The following CDYL variants were observed in gnomAD, a reference collection of about 807,000 sequenced individuals.
The protein encoded by CDYL is chromodomain Y-like protein.
CDYL carries 8 observed loss-of-function variants against 47.3 expected under a neutral mutation model. The observed-to-expected ratio is 0.17, with a 90% CI of 0.10 to 0.31. The LOEUF (loss-of-function observed/expected upper bound fraction) is 0.31, where lower values mean the gene tolerates loss of function less well. CDYL is among the 10% of genes least tolerant of loss of function. CDYL has a pLI of 1.00. For synonymous variants in CDYL, 266 were observed against 265.0 expected (o/e 1.00, Z -0.04); for missense variants, 471 against 701.4 (o/e 0.67, Z 3.71).
intron 1 of CDYL, among the ~76,000 whole-genome samples, chr6:4,818,408 C>T (rs1759733492): frequency 1.3e-5 from 2 of 152,112 alleles, no homozygotes; most frequent in Non-Finnish European, 2.9e-5. Context: ...GTGTTTGATA[C>T]CTCCCTGTGT....
intron 1 of CDYL, among the ~76,000 whole-genome samples, chr6:4,796,117 G>A (rs760133025): frequency 2.0e-5 from 3 of 152,028 alleles, no homozygotes; most frequent in Admixed American, 6.6e-5. Context: ...GCACCACCAT[G>A]TAACAGGGTT....
chr6:4,734,686 G>T, intron 2 of CDYL: 1 of 1,586,786 alleles, frequency 6.3e-7, no homozygotes, highest in Non-Finnish European at 8.6e-7. Context: ...TTGGGGGATG[G>T]GGATGGAGGG....
chr6:4,943,958 C>T (rs574642431), intron 5 of CDYL: 26 of 483,320 alleles, frequency 5.4e-5, no homozygotes, highest in Middle Eastern at 1.1e-3. Flanking sequence ...CACTGAGGAG[C>T]CTACCACTTT....
intron 1 of CDYL, chr6:4,836,005 G>A (rs1464408798): frequency 2.0e-5 from 3 of 152,840 alleles, no homozygotes; most frequent in South Asian, 2.1e-4. Flanking sequence ...ACTAGGAAAG[G>A]GAACTCCCTG....
chr6:4,732,851 G>A (rs1757632051), intron 2 of CDYL, among the ~76,000 whole-genome samples: 1 of 152,194 alleles, frequency 6.6e-6, no homozygotes, highest in Non-Finnish European at 1.5e-5. Flanking sequence ...AGAGATAGGA[G>A]GATTAGATGG....
At chr6:4,891,580 T>C (rs970826751) in intron 1 of CDYL, 133 bp from the exon 2 acceptor site, 29 of 696,744 alleles carry the variant, frequency 4.2e-5, no homozygotes, top group Non-Finnish European at 5.7e-5. Flanking sequence ...ATTACTATTT[T>C]ATTGAGGTTG....
Position 4,891,855 on chromosome 6 carries a change from A to C in CDYL, c.167A>C (p.Asn56Thr). 1 of 1,614,222 alleles carries C rather than the reference A, an allele frequency of 6.2e-7. No individual in the cohort carries two copies. ...VNCEEYIHDF[N>T]RRHTEKQKES... ...TGTGAGGAATACATCCACGACTTCAACAGACGCCACACGGAGAAGCAGAAG... is the reference window on the plus strand; with the variant it reads ...TGTGAGGAATACATCCACGACTTCACCAGACGCCACACGGAGAAGCAGAAG... Residue 56 changes from asparagine to threonine, a missense_variant, in exon 2 of 7, where the codon AAC becomes ACC. This residue lies in a region of CDYL where 311 missense variants were observed against 350.0 expected (regional missense o/e 0.89). Transcript: ENST00000397588.
chr6:4,943,327 C>T (rs977473665), intron 4 of CDYL, among the ~76,000 whole-genome samples: 1 of 152,174 alleles, frequency 6.6e-6, no homozygotes, highest in Non-Finnish European at 1.5e-5. Context: ...CCTGTAGTGA[C>T]AGCCACTACA....
chr6:4,890,721 T>C (rs985658081), intron 1 of CDYL, among the ~76,000 whole-genome samples: 8 of 152,242 alleles, frequency 5.3e-5, no homozygotes, highest in African/African-American at 1.9e-4. Flanking sequence ...CTGCCAGAAA[T>C]GTACTGACGT....
At chr6:4,729,280 C>T (rs2127413286) in intron 2 of CDYL, among the ~76,000 whole-genome samples, 1 of 152,312 alleles carries the variant, frequency 6.6e-6, no homozygotes, top group Middle Eastern at 3.4e-3. Flanking sequence ...AGAGGCCCTA[C>T]AGCCTGTTTT....
intron 2 of CDYL, among the ~76,000 whole-genome samples, chr6:4,904,878 C>T (rs1757180857): frequency 6.6e-6 from 1 of 152,116 alleles, no homozygotes; most frequent in Non-Finnish European, 1.5e-5. Context: ...CCCCCTCATC[C>T]CCACCCCGAC....
intron 1 of CDYL, among the ~76,000 whole-genome samples, chr6:4,848,378 G>A (rs1390606714): frequency 1.3e-5 from 2 of 152,126 alleles, no homozygotes; most frequent in Non-Finnish European, 2.9e-5. Context: ...TTAAAAAGTT[G>A]TCAGAATTAC....
chr6:4,782,124 C>T (rs1758634536), intron 1 of CDYL, among the ~76,000 whole-genome samples: 2 of 151,398 alleles, frequency 1.3e-5, no homozygotes, highest in South Asian at 4.2e-4. Flanking sequence ...CAGACTGGTT[C>T]TTTCTGCAGG....
chr6:4,922,404 A>C (rs1412121371), intron 2 of CDYL, among the ~76,000 whole-genome samples: 2 of 152,364 alleles, frequency 1.3e-5, no homozygotes, highest in South Asian at 4.1e-4. Flanking sequence ...AGGACAGATG[A>C]TTAATTAATA....
rs530767646 is a variant in CDYL at position 4,784,979 on chromosome 6, G to GC, written c.24+8179dup. Among the ~76,000 whole-genome samples the GC allele has an allele frequency of 7.9e-4, 120 of 152,168 alleles. 1 individual carries two copies. Among genetic ancestry groups the GC allele is most frequent in the African/African-American group, 2.6e-3 (108 of 41,492 alleles). ...ATTCACCTTCCTCCATGATTGTGAG[G>GC]CCCCCCCAGCCATGTGGAACTGAGT... On this transcript the variant is annotated intron_variant, in intron 1 of 6. Coordinates refer to ENST00000397588, the MANE Select transcript of CDYL (RefSeq NM_004824.4).
At chr6:4,845,292 C>T (rs928108714) in intron 1 of CDYL, among the ~76,000 whole-genome samples, 10 of 151,934 alleles carry the variant, frequency 6.6e-5, no homozygotes, top group African/African-American at 2.2e-4. Flanking sequence ...GAGGTCTCAC[C>T]AAAACAAAAC....
chr6:4,817,310 A>G (rs920571783), intron 1 of CDYL, among the ~76,000 whole-genome samples: 2 of 151,992 alleles, frequency 1.3e-5, no homozygotes, highest in Non-Finnish European at 2.9e-5. Context: ...GTTACAAGTA[A>G]TACTGTGACC....
chr6:4,772,754 G>A (rs1463914847), upstream of CDYL, among the ~76,000 whole-genome samples: 1 of 152,296 alleles, frequency 6.6e-6, no homozygotes, highest in East Asian at 1.9e-4. Context: ...TATGGAGGAG[G>A]TAACCAGGAT....
At chr6:4,766,679 A>G (rs1209799591) in intron 3 of CDYL, among the ~76,000 whole-genome samples, 2 of 152,108 alleles carry the variant, frequency 1.3e-5, no homozygotes, top group Non-Finnish European at 2.9e-5. Context: ...ATGACAACTT[A>G]TTTTATGAGA....
Sources: gnomAD v4.1 joint callset for allele counts (sites outside exome capture counted in the v4.1 genomes callset) on GRCh38, gnomAD v4.1.1 for gene constraint, gnomAD v4.1.1 regional missense constraint, MANE v1.5 for transcripts, NCBI Gene and HGNC (gene_info 2026-07-23, HGNC 2026-07-21) for gene names.